MYO1H: variants seen among roughly 807,000 people sequenced by gnomAD.
The protein encoded by MYO1H is unconventional myosin-Ih.
MYO1H carries 118 observed loss-of-function variants against 149.3 expected under a neutral mutation model. The observed-to-expected ratio is 0.79, with a 90% CI of 0.68 to 0.92. MYO1H has a LOEUF of 0.92. Ranked by LOEUF, MYO1H falls within the 40% of genes least tolerant of loss-of-function variation. The probability of loss-of-function intolerance (pLI) is 0.00; values close to 1 mark genes in which losing one functional copy is unlikely to be tolerated. For synonymous variants in MYO1H, 447 were observed against 465.2 expected, an observed-to-expected ratio of 0.96 and a Z score of 0.50; for missense variants, 1,212 against 1,280.7, an observed-to-expected ratio of 0.95 and a Z score of 0.82.
the MYO1H span, among the ~76,000 whole-genome samples, chr12:109,320,963 C>G: frequency 1.4e-4 from 21 of 152,086 alleles, no homozygotes; most frequent in Admixed American, 2.6e-4. Context: ...CGGCGGGTAC[C>G]TGTAATCCCA....
chr12:109,395,001 G>T (rs966984299), intron 3 of MYO1H, among the ~76,000 whole-genome samples: 2 of 152,116 alleles, frequency 1.3e-5, no homozygotes, highest in African/African-American at 4.8e-5. Flanking sequence ...GGGCTCAAGC[G>T]ATCTGCCTGC....
At chr12:109,354,607 G>A (rs1185677548) in intron 1 of MYO1H, among the ~76,000 whole-genome samples, 2 of 113,336 alleles carry the variant, frequency 1.8e-5, no homozygotes, top group Non-Finnish European at 1.9e-5. Flanking sequence ...GTGACAGAGC[G>A]AGACTCTGTC....
chr12:109,406,108 C>T (rs1313752512), intron 8 of MYO1H, 73 bp downstream of exon 8: 3 of 997,424 alleles, frequency 3.0e-6, no homozygotes, highest in Non-Finnish European at 4.7e-6. Context: ...GCTGGGTGCC[C>T]ACAGTTAGGC....
chr12:109,340,180 T>A, the MYO1H span, among the ~76,000 whole-genome samples: 38 of 152,280 alleles, frequency 2.5e-4, no homozygotes, highest in Non-Finnish European at 2.2e-4. Context: ...TTCATTTTTT[T>A]AATTTATTTA....
chr12:109,427,595 T>G lies in MYO1H; in HGVS notation c.1949+9T>G. ...GAGCATTTCTTGCAAAGGTAAAATG[T>G]GCTTTATTGATCTGAAGCCAATAGT... On this transcript the variant is annotated intron_variant, in intron 19 of 31. Coordinates refer to ENST00000310903, the Ensembl canonical transcript of MYO1H. The G allele has an allele frequency of 6.3e-7, 1 of 1,581,928 alleles. No homozygotes were observed. The highest frequency in any genetic ancestry group is 1.1e-5 in the South Asian group (1 of 90,450).
chr12:109,388,249 C>A (rs1247260632), intron 1 of MYO1H, among the ~76,000 whole-genome samples: 1 of 151,972 alleles, frequency 6.6e-6, no homozygotes, highest in Admixed American at 6.6e-5. Flanking sequence ...TTAAAAAAAA[C>A]ATTTATTGAG....
chr12:109,352,206 A>C (rs1868475929), intron 1 of MYO1H, among the ~76,000 whole-genome samples: 1 of 152,222 alleles, frequency 6.6e-6, no homozygotes, highest in Admixed American at 6.5e-5. Flanking sequence ...CATAAATGAT[A>C]AATGACCATT....
At chr12:109,408,221 C>T (rs919721402) in intron 10 of MYO1H, among the ~76,000 whole-genome samples, 6 of 152,092 alleles carry the variant, frequency 3.9e-5, no homozygotes, top group Non-Finnish European at 7.3e-5. Flanking sequence ...GTCACTCAGG[C>T]TGGGGTGCAG....
chr12:109,324,368 C>G, the MYO1H span, among the ~76,000 whole-genome samples: 2 of 152,310 alleles, frequency 1.3e-5, no homozygotes, highest in East Asian at 3.9e-4. Flanking sequence ...CACCTAGATT[C>G]AAGGGAGAGA....
rs1566044896 is a variant in MYO1H at position 109,443,106 on chromosome 12, A to ATATATGTGTACG, written c.2689-405_2689-404insATGTGTACGTAT. 1.8e-3 allele frequency among the ~76,000 whole-genome samples: 136 copies of ATATATGTGTACG among 76,816 alleles called. 31 individuals are homozygous for ATATATGTGTACG. Among genetic ancestry groups the ATATATGTGTACG allele is most frequent in the African/African-American group, 8.3e-3 (132 of 15,818 alleles). The allele number at this position is 76,816 out of a possible 152,430, so 50.4% of individuals were successfully genotyped here. ...CGTATGTGTGTATATATGTGTACGT[A>ATATATGTGTACG]TATGTGTGTATATGTGTACGTATAT... is the stretch of plus-strand genomic sequence containing the variant. On this transcript the variant is annotated intron_variant, in intron 27 of 31. Coordinates refer to ENST00000310903, the Ensembl canonical transcript of MYO1H.
At chr12:109,341,181 T>G in the MYO1H span, among the ~76,000 whole-genome samples, 6 of 87,418 alleles carry the variant, frequency 6.9e-5, no homozygotes, top group East Asian at 2.2e-3. Context: ...AGAGCGAGAC[T>G]CCATCTCGAA....
chr12:109,443,194 A>G (rs1278862938), intron 27 of MYO1H, among the ~76,000 whole-genome samples: 3 of 110,076 alleles, frequency 2.7e-5, no homozygotes, highest in Admixed American at 8.7e-5. Flanking sequence ...ATGTGTACGT[A>G]TATGTGTGTA....
the MYO1H span, among the ~76,000 whole-genome samples, chr12:109,334,314 C>G: frequency 6.6e-6 from 1 of 152,168 alleles, no homozygotes; most frequent in South Asian, 2.1e-4. Context: ...GCCACCGTGC[C>G]CAGCCCTACT....
At chr12:109,417,629 T>C (rs1870981271) in intron 15 of MYO1H, among the ~76,000 whole-genome samples, 1 of 151,600 alleles carries the variant, frequency 6.6e-6, no homozygotes, top group African/African-American at 2.4e-5. Flanking sequence ...GCCCCGCCTA[T>C]ATGTGGTGTT....
chr12:109,383,110 C>T (rs1869238845), intron 1 of MYO1H, among the ~76,000 whole-genome samples: 1 of 151,996 alleles, frequency 6.6e-6, no homozygotes. Flanking sequence ...GTGGGGCAAC[C>T]CAGTGAAACT....
Position 109,425,947 on chromosome 12 carries a change from T to TGG in MYO1H, c.1730_1731dup (p.Thr578GlyfsTer8), listed in dbSNP as rs745963247. 8.1e-6 allele frequency: 13 copies of TGG among 1,608,664 alleles called. No homozygotes were observed. The highest frequency in any genetic ancestry group is 1.1e-5 in the Non-Finnish European group (13 of 1,175,332). On this transcript the variant is annotated frameshift_variant and splice_region_variant, in exon 18 of 32. Coordinates refer to ENST00000310903, the Ensembl canonical transcript of MYO1H. LOFTEE classifies it high-confidence loss of function. ...CTCTCTTTCTCTCTCTCTCTGCAGG[T>TGG]GGGGACTCAGTTTAAAAACAGTCTG...
At chr12:109,335,244 C>A in the MYO1H span, among the ~76,000 whole-genome samples, 1 of 152,072 alleles carries the variant, frequency 6.6e-6, no homozygotes, top group African/African-American at 2.4e-5. Flanking sequence ...GGGGAGGCCT[C>A]AGGGAACTTA....
rs1375352280 is a variant in MYO1H, at chr12:109,354,635, G to GAA, written c.12+6666_12+6667dup. 8.1e-4 allele frequency among the ~76,000 whole-genome samples: 64 copies of GAA among 78,944 alleles called. 1 individual carries two copies. Among genetic ancestry groups the GAA allele is most frequent in the African/African-American group, 3.4e-3 (61 of 18,004 alleles). 51.8% of individuals were successfully genotyped at this position (78,944 alleles called of 152,430 possible). ...ACTCTGTCTAAAAAAAAAAAAAAAAGAAAAGAAAAGAAATCCCAGCCTGCA... is the reference window on the plus strand; with the variant it reads ...ACTCTGTCTAAAAAAAAAAAAAAAAGAAAAAAGAAAAGAAATCCCAGCCTGCA... On this transcript the variant is annotated intron_variant, in intron 1 of 31. Coordinates refer to ENST00000310903, the Ensembl canonical transcript of MYO1H.
chr12:109,312,577 C>T, the MYO1H span, among the ~76,000 whole-genome samples: 9 of 152,158 alleles, frequency 5.9e-5, 1 homozygote, highest in East Asian at 1.7e-3. Flanking sequence ...CGTTTCTTCT[C>T]CTTTTTCCCA....
Sources: gnomAD v4.1 joint callset for allele counts (sites outside exome capture counted in the v4.1 genomes callset) on GRCh38, gnomAD v4.1.1 for gene constraint, MANE v1.5 for transcripts, NCBI Gene and HGNC (gene_info 2026-07-23, HGNC 2026-07-21) for gene names.